DCBLD1: variants seen among roughly 807,000 people sequenced by gnomAD.
The protein encoded by DCBLD1 is discoidin, CUB and LCCL domain containing 1, also known as discoidin, CUB and LCCL domain-containing protein 1.
DCBLD1 carries 57 observed loss-of-function variants against 71.5 expected under a neutral mutation model. The observed-to-expected ratio is 0.80, with a 90% CI of 0.64 to 0.99. The LOEUF is 0.99. Among genes scored for constraint, DCBLD1 ranks in the 50% least tolerant of loss-of-function variants. DCBLD1 has a pLI of 0.00. For missense variants in DCBLD1, 891 were observed against 923.5 expected, an observed-to-expected ratio of 0.96 and a Z score of 0.46; for synonymous variants, 380 against 363.8, an observed-to-expected ratio of 1.04 and a Z score of -0.51.
In DCBLD1 at chr6:117,548,213, C is replaced by G. The variant is rs1183126859; in HGVS notation, c.1922C>G (p.Pro641Arg). 1.2e-5 allele frequency: 19 copies of G among 1,550,466 alleles called. No homozygotes were observed. Among genetic ancestry groups the G allele is most frequent in the Admixed American group, 3.9e-5 (2 of 50,984 alleles). Residue 641 changes from proline to arginine, a missense_variant, in exon 15 of 15, where the codon CCC (proline) becomes CGC (arginine). Pro to Arg is a moderately radical substitution (Grantham distance 103, BLOSUM62 -2). Transcript: ENST00000338728. Reference protein sequence around the residue: ...KHSLSSGGFSPVAGVGAQDGD... With the variant: ...KHSLSSGGFSRVAGVGAQDGD... Reference sequence around the variant, plus strand: ...TCCCTCTCCTCGGGCGGCTTCTCCCCCGTAGCGGGTGTGGGCGCCCAGGAC... The same window carrying G: ...TCCCTCTCCTCGGGCGGCTTCTCCCGCGTAGCGGGTGTGGGCGCCCAGGAC...
intron 3 of DCBLD1, among the ~76,000 whole-genome samples, 167 bp from the exon 4 acceptor site, chr6:117,521,358 A>G (rs1296621196): frequency 2.0e-5 from 3 of 152,270 alleles, no homozygotes; most frequent in South Asian, 2.1e-4. Flanking sequence ...CTCATTAAAT[A>G]CTGGAGACAG....
chr6:117,520,038 T>C, intron 3 of DCBLD1, 88 bp downstream of exon 3: 1 of 1,572,056 alleles, frequency 6.4e-7, no homozygotes, highest in Non-Finnish European at 8.7e-7. Context: ...GACATAATTG[T>C]GGACTCAGAT....
At chr6:117,525,540 T>G in intron 5 of DCBLD1, 106 bp downstream of exon 5, 3 of 757,456 alleles carry the variant, frequency 4.0e-6, no homozygotes, top group Non-Finnish European at 3.9e-6. Context: ...AAACTCTAGA[T>G]AGATGCATGA....
intron 14 of DCBLD1, chr6:117,569,509 C>A: frequency 6.3e-7 from 1 of 1,574,802 alleles, no homozygotes. Context: ...GGGAAGTATA[C>A]AGTGTTCAAT....
At chr6:117,517,448 AATGG>A (rs1376458932) in intron 2 of DCBLD1, among the ~76,000 whole-genome samples, 1 of 152,082 alleles carries the variant, frequency 6.6e-6, no homozygotes, top group Non-Finnish European at 1.5e-5. Flanking sequence ...TTTCAGGTGC[AATGG>A]ATCTACCATT....
chr6:117,527,893 G>A (rs1275964435), intron 5 of DCBLD1, among the ~76,000 whole-genome samples: 2 of 152,160 alleles, frequency 1.3e-5, no homozygotes, highest in Non-Finnish European at 2.9e-5. Flanking sequence ...TGTTTCCAAT[G>A]CCAGTGAAGG....
rs1349215404 is a variant in DCBLD1, at chr6:117,548,333, C to T, written c.2042C>T (p.Pro681Leu). 6 of 1,550,740 alleles carry T rather than the reference C, an allele frequency of 3.9e-6. No homozygotes were observed. The highest frequency in any genetic ancestry group is 2.4e-5 in the East Asian group (1 of 40,916). Residue 681 changes from proline (P) to leucine (L), a missense_variant, in exon 15 of 15, where the codon CCT (proline) becomes CTT (leucine). Physicochemically the swap from Pro to Leu is moderately conservative, Grantham distance 98. Transcript: ENST00000338728. ...VSALATESGHPDSQKPPTHPG... is the reference protein window; with the variant it reads ...VSALATESGHLDSQKPPTHPG... ...GCCCTCGCCACCGAAAGCGGGCACC[C>T]TGACTCTCAGAAGCCCCCAACGCAT... is the stretch of plus-strand genomic sequence containing the variant.
At chr6:117,520,484 C>A (rs1309847237) in intron 3 of DCBLD1, among the ~76,000 whole-genome samples, 1 of 152,186 alleles carries the variant, frequency 6.6e-6, no homozygotes, top group African/African-American at 2.4e-5. Context: ...CTCCCCCATC[C>A]TCCTCCCTAG....
At chr6:117,545,665 A>C in intron 14 of DCBLD1, 68 bp downstream of exon 14, 1 of 1,552,410 alleles carries the variant, frequency 6.4e-7, no homozygotes, top group South Asian at 1.2e-5. Flanking sequence ...GGGAGACAGG[A>C]GAGAAATAAG....
At chr6:117,514,124 C>T (rs1778112680) in intron 2 of DCBLD1, among the ~76,000 whole-genome samples, 2 of 152,084 alleles carry the variant, frequency 1.3e-5, no homozygotes, top group African/African-American at 4.8e-5. Context: ...CCTTTTAACT[C>T]TAGGAATGTA....
chr6:117,502,578 G>A (rs1777700500), intron 1 of DCBLD1, among the ~76,000 whole-genome samples: 2 of 152,214 alleles, frequency 1.3e-5, no homozygotes, highest in African/African-American at 4.8e-5. Context: ...GAGGCTGGGA[G>A]GGAAGAGGGC....
At position 117,540,947 on chromosome 6, in the gene DCBLD1, A is replaced by G; in HGVS notation, c.1279A>G (p.Ser427Gly). 1 of 1,613,950 alleles carries G rather than the reference A, an allele frequency of 6.2e-7. No homozygotes were observed. Among genetic ancestry groups the G allele is most frequent in the Non-Finnish European group, 8.5e-7 (1 of 1,180,038 alleles). ...GNDSLVWRKTSQSTSVSTKKE... is the reference protein window; with the variant it reads ...GNDSLVWRKTGQSTSVSTKKE... Reference sequence around the variant, plus strand: ...TGATTCATTGGTGTGGCGCAAGACAAGTCAAAGCACCAGTGTTTCAACTAA... The same window carrying G: ...TGATTCATTGGTGTGGCGCAAGACAGGTCAAAGCACCAGTGTTTCAACTAA... The change falls in exon 11 of 15, where the codon AGT becomes GGT. Residue 427 changes from serine (S) to glycine (G), a missense_variant. Coordinates refer to ENST00000338728, the MANE Select transcript of DCBLD1 (RefSeq NM_001366458.2).
At chr6:117,516,568 G>T (rs1240191858) in intron 2 of DCBLD1, among the ~76,000 whole-genome samples, 1 of 152,120 alleles carries the variant, frequency 6.6e-6, no homozygotes, top group African/African-American at 2.4e-5. Context: ...GAGAGAAATT[G>T]GATCCTTTAT....
At chr6:117,482,988 G>T in intron 1 of DCBLD1, 95 bp downstream of exon 1, 1 of 1,030,166 alleles carries the variant, frequency 9.7e-7, no homozygotes. Context: ...GGGCTACGGG[G>T]CGGGCCGGGC....
intron 1 of DCBLD1, among the ~76,000 whole-genome samples, chr6:117,496,338 C>T (rs749153805): frequency 6.6e-6 from 1 of 152,162 alleles, no homozygotes; most frequent in African/African-American, 2.4e-5. Flanking sequence ...TGCCTTTGTT[C>T]ATTCTCACAT....
At chr6:117,510,695 G>T (rs902222889) in intron 2 of DCBLD1, among the ~76,000 whole-genome samples, 1 of 152,136 alleles carries the variant, frequency 6.6e-6, no homozygotes, top group Non-Finnish European at 1.5e-5. Flanking sequence ...AAAAAATCTG[G>T]ATTTTTACAA....
rs997043275 is a variant in DCBLD1 at position 117,547,873 on chromosome 6, T to A, written c.1616-34T>A. The A allele has an allele frequency of 7.7e-6, 12 of 1,550,122 alleles. No individual in the cohort carries two copies. In the African/African-American group the frequency reaches 1.4e-4, roughly 18 times the overall value. On this transcript the variant is annotated intron_variant, in intron 14 of 14. Transcript: ENST00000338728. The stretch of plus-strand genomic sequence containing the variant: ...CACTGACAGGCCGGCCCGTGTGTGG[T>A]GCCCGCTAGCTGCCATCTGTCTTGT...
At chr6:117,542,279 G>A (rs866047858) in intron 11 of DCBLD1, among the ~76,000 whole-genome samples, 15 of 148,296 alleles carry the variant, frequency 1.0e-4, no homozygotes, top group East Asian at 9.8e-4. Flanking sequence ...GTGACAGAGC[G>A]AGACTCCATC....
intron 14 of DCBLD1, among the ~76,000 whole-genome samples, chr6:117,563,598 T>C (rs1779632758): frequency 6.6e-6 from 1 of 152,094 alleles, no homozygotes; most frequent in Admixed American, 6.5e-5. Flanking sequence ...GGCACATGCC[T>C]GTAATCCCAG....
Sources: gnomAD v4.1 joint callset for allele counts (sites outside exome capture counted in the v4.1 genomes callset) on GRCh38, gnomAD v4.1.1 for gene constraint, MANE v1.5 for transcripts, NCBI Gene and HGNC (gene_info 2026-07-23, HGNC 2026-07-21) for gene names.